ANO2: variants seen among roughly 807,000 people sequenced by gnomAD.
The protein encoded by ANO2 is anoctamin 2.
ANO2 carries 101 observed loss-of-function variants against 124.2 expected under a neutral mutation model. The ratio of observed to expected loss-of-function variants is 0.81; its 90% confidence interval spans 0.69 to 0.96. The LOEUF (loss-of-function observed/expected upper bound fraction) is 0.96. Among genes scored for constraint, ANO2 ranks in the 40% least tolerant of loss-of-function variants. The pLI is 0.00. For missense variants in ANO2, 1,293 were observed against 1,274.5 expected (o/e 1.01, Z -0.22); for synonymous variants, 486 against 482.5 (o/e 1.01, Z -0.09).
At chr12:5,669,450 T>C (rs1322361321) in intron 14 of ANO2, among the ~76,000 whole-genome samples, 2 of 152,182 alleles carry the variant, frequency 1.3e-5, no homozygotes, top group African/African-American at 4.8e-5. Context: ...GCTGAGATGA[T>C]GGGGTTTTCT....
intron 1 of ANO2, among the ~76,000 whole-genome samples, chr12:5,929,528 A>T (rs1942257790): frequency 1.1e-5 from 1 of 87,830 alleles, no homozygotes; most frequent in Non-Finnish European, 2.3e-5. Context: ...TCACTTTCTT[A>T]CCAGTCTTCC....
At chr12:5,695,653 C>T (rs1949137326) in intron 14 of ANO2, among the ~76,000 whole-genome samples, 1 of 152,124 alleles carries the variant, frequency 6.6e-6, no homozygotes, top group Non-Finnish European at 1.5e-5. Flanking sequence ...CCAGCCTGGC[C>T]TACATGGCAA....
chr12:5,920,833 C>T (rs1941655726), intron 3 of ANO2, among the ~76,000 whole-genome samples: 2 of 152,078 alleles, frequency 1.3e-5, no homozygotes, highest in Admixed American at 1.3e-4. Context: ...CACCACTGCA[C>T]TCCAGCCTTG....
chr12:5,632,508 C>T (rs1189408586), intron 16 of ANO2, among the ~76,000 whole-genome samples: 1 of 152,048 alleles, frequency 6.6e-6, no homozygotes, highest in African/African-American at 2.4e-5. Context: ...ATTTTATCTC[C>T]TTTCCAGGGC....
intron 3 of ANO2, among the ~76,000 whole-genome samples, chr12:5,914,206 G>GA (rs62809360): frequency 0.22 from 33,533 of 150,004 alleles, 4,067 homozygotes; most frequent in Middle Eastern, 0.37. Flanking sequence ...TCTCAAAAAA[G>GA]AAAAAAAGAA....
chr12:5,874,677 C>T (rs931878123), intron 3 of ANO2, among the ~76,000 whole-genome samples: 8 of 152,226 alleles, frequency 5.3e-5, no homozygotes, highest in African/African-American at 1.9e-4. Flanking sequence ...AGAAACCTCA[C>T]ACATGTCTGC....
At chr12:5,848,184 C>G (rs78088769) in intron 4 of ANO2, among the ~76,000 whole-genome samples, 1 of 152,154 alleles carries the variant, frequency 6.6e-6, no homozygotes, top group South Asian at 2.1e-4. Context: ...TCATTTACAA[C>G]AGGAAAAATT....
chr12:5,588,589 T>G (rs980051172), intron 20 of ANO2, among the ~76,000 whole-genome samples: 1 of 152,196 alleles, frequency 6.6e-6, no homozygotes, highest in Non-Finnish European at 1.5e-5. Flanking sequence ...GCTGGTCTCA[T>G]GGTCTGAAAC....
At chr12:5,581,701 G>A (rs940259111) in intron 20 of ANO2, among the ~76,000 whole-genome samples, 6 of 151,936 alleles carry the variant, frequency 3.9e-5, no homozygotes, top group Admixed American at 2.0e-4. Context: ...CCTTCCCCTC[G>A]CCATGTAAGT....
intron 9 of ANO2, among the ~76,000 whole-genome samples, chr12:5,804,595 T>C (rs1953135053): frequency 6.6e-6 from 1 of 152,304 alleles, no homozygotes; most frequent in African/African-American, 2.4e-5. Flanking sequence ...CCACCTATTC[T>C]ACCAGGTGGA....
intron 11 of ANO2, among the ~76,000 whole-genome samples, chr12:5,744,685 G>A (rs929974231): frequency 1.3e-5 from 2 of 152,204 alleles, no homozygotes; most frequent in East Asian, 3.9e-4. Context: ...ATCACAGCCT[G>A]AAGCTGGATT....
chr12:5,729,421 A>C (rs773409215), intron 14 of ANO2, among the ~76,000 whole-genome samples: 1 of 152,214 alleles, frequency 6.6e-6, no homozygotes, highest in Non-Finnish European at 1.5e-5. Context: ...AGTTCACATC[A>C]TTAATCATTA....
intron 3 of ANO2, among the ~76,000 whole-genome samples, chr12:5,887,717 TC>T (rs1939035179): frequency 6.6e-6 from 1 of 152,216 alleles, no homozygotes; most frequent in Admixed American, 6.5e-5. Context: ...AGAAGCTAAC[TC>T]TTTTTTTGAG....
At chr12:5,680,589 G>A (rs947972388) in intron 14 of ANO2, among the ~76,000 whole-genome samples, 1 of 152,158 alleles carries the variant, frequency 6.6e-6, no homozygotes, top group African/African-American at 2.4e-5. Context: ...CATGGAAATT[G>A]TGGGCTCCCT....
chr12:5,825,003 C>T (rs1953913618), intron 7 of ANO2, among the ~76,000 whole-genome samples: 1 of 152,186 alleles, frequency 6.6e-6, no homozygotes, highest in Admixed American at 6.5e-5. Context: ...GGGTACCTGC[C>T]ACAACATGTG....
At chr12:5,866,107 G>A (rs528133644) in intron 3 of ANO2, among the ~76,000 whole-genome samples, 1 of 152,268 alleles carries the variant, frequency 6.6e-6, no homozygotes, top group East Asian at 1.9e-4. Context: ...CCAACCCTCT[G>A]CCACAACGAC....
chr12:5,761,064 A>G (rs1374162823), intron 10 of ANO2, among the ~76,000 whole-genome samples: 1 of 151,294 alleles, frequency 6.6e-6, no homozygotes, highest in African/African-American at 2.4e-5. Flanking sequence ...ACAGCAAAAA[A>G]AAAAAAAAAA....
chr12:5,873,719 C>T (rs1260855938), intron 3 of ANO2, among the ~76,000 whole-genome samples: 1 of 152,234 alleles, frequency 6.6e-6, no homozygotes, highest in Non-Finnish European at 1.5e-5. Context: ...TGAATCCTCC[C>T]TGAGCTAATG....
At chr12:5,735,877 C>T (rs1210593442) in intron 13 of ANO2, among the ~76,000 whole-genome samples, 1 of 151,996 alleles carries the variant, frequency 6.6e-6, no homozygotes, top group Non-Finnish European at 1.5e-5. Context: ...AAAGAAGTCA[C>T]TGAGGATATC....
Sources: allele counts gnomAD v4.1 joint callset (sites outside exome capture counted in the v4.1 genomes callset), GRCh38; gene constraint gnomAD v4.1.1; transcripts MANE v1.5; gene names NCBI Gene and HGNC (gene_info 2026-07-23, HGNC 2026-07-21).